The following ATIC variants were observed in gnomAD, a reference collection of about 807,000 sequenced individuals.
The protein encoded by ATIC is bifunctional purine biosynthesis protein ATIC.
A neutral mutation model predicts 72.5 loss-of-function variants in ATIC; 64 were observed. That is an observed-to-expected ratio of 0.88 (90% confidence interval 0.72 to 1.09). ATIC has a LOEUF of 1.09. Ranked by LOEUF, ATIC falls within the 50% of genes least tolerant of loss-of-function variation. The pLI is 0.00. For synonymous variants in ATIC, 281 were observed against 267.1 expected, an observed-to-expected ratio of 1.05 and a Z score of -0.51; for missense variants, 787 against 732.4, an observed-to-expected ratio of 1.07 and a Z score of -0.86.
chr2:215,318,001 TAAG>T (rs1295225574), intron 2 of ATIC, 153 bp from the exon 3 acceptor site: 2 of 687,888 alleles, frequency 2.9e-6, no homozygotes, highest in East Asian at 2.8e-5. Context: ...GAATTTTACT[TAAG>T]AAATAAAATA....
downstream of ATIC, among the ~76,000 whole-genome samples, chr2:215,351,961 A>C (rs978684596): frequency 6.6e-6 from 1 of 152,186 alleles, no homozygotes; most frequent in Non-Finnish European, 1.5e-5. Flanking sequence ...CAGCTTAATC[A>C]TGAGAAAAAC....
the ATIC span, chr2:215,365,137 A>G: frequency 9.4e-5 from 66 of 705,698 alleles, no homozygotes; most frequent in Middle Eastern, 4.6e-4. Context: ...CAGTACTGCT[A>G]TACAGATCTT....
the ATIC span, chr2:215,364,622 T>C: frequency 1.8e-6 from 1 of 562,054 alleles, no homozygotes; most frequent in Non-Finnish European, 3.2e-6. Context: ...TAAGAATGAC[T>C]CAAGACTTGT....
At position 215,346,766 on chromosome 2, in the gene ATIC, G is replaced by C. The variant is rs755035430; in HGVS notation, c.1328G>C (p.Gly443Ala). ...VCYAKNGQVI[G>A]IGAGQQSRIH... ...AATGTCTGTGTTCCTCAGGTTATCG[G>C]CATTGGAGCAGGACAGCAGTCTCGT... The change falls in exon 14 of 16, where the codon GGC becomes GCC. Residue 443 changes from glycine (G) to alanine (A), a missense_variant. Transcript: ENST00000236959. 2 of 1,613,968 alleles carry C rather than the reference G, an allele frequency of 1.2e-6. No homozygotes were observed. The highest frequency in any genetic ancestry group is 2.7e-5 in the African/African-American group (2 of 74,902).
chr2:215,347,042 T>A, intron 14 of ATIC, 101 bp downstream of exon 14: 1 of 1,389,948 alleles, frequency 7.2e-7, no homozygotes. Context: ...AAAAAGATAC[T>A]TTCATTGAAA....
chr2:215,341,113 G>C (rs1163286079), intron 12 of ATIC, among the ~76,000 whole-genome samples: 5 of 152,172 alleles, frequency 3.3e-5, no homozygotes, highest in Non-Finnish European at 4.4e-5. Flanking sequence ...TCTGTCTGTT[G>C]ATAAGCATAC....
intron 13 of ATIC, 129 bp from the exon 14 acceptor site, chr2:215,346,630 C>A: frequency 9.7e-7 from 1 of 1,029,572 alleles, no homozygotes; most frequent in East Asian, 2.4e-5. Flanking sequence ...ATTTATATTT[C>A]TCTTATTTTG....
chr2:215,312,148 T>C lies in ATIC; in HGVS notation c.6T>C (p.Ala2=). The C allele has an allele frequency of 7.2e-6, 11 of 1,524,078 alleles. No individual in the cohort carries two copies. The highest frequency in any genetic ancestry group is 9.6e-6 in the Non-Finnish European group (11 of 1,142,674). The allele number at this position is 1,524,078 out of a possible 1,614,324, so 94.4% of individuals were successfully genotyped here. Residue 2 remains alanine (A), a synonymous_variant, in exon 1 of 16, where the codon GCT becomes GCC. Coordinates refer to ENST00000236959, the MANE Select transcript of ATIC (RefSeq NM_004044.7). M[A]PGQLALFSVS... ...TGAACCCAGTGCCTGCAGCCATGGC[T>C]CCCGGCCAGCTCGGTGAGGCCCTAG...
chr2:215,364,696 G>A, the ATIC span: 1 of 626,844 alleles, frequency 1.6e-6, no homozygotes, highest in Non-Finnish European at 2.9e-6. Context: ...AAGAATGAAT[G>A]GCATGTAAGG....
chr2:215,346,847 A>G lies in ATIC; in HGVS notation c.1409A>G (p.His470Arg), dbSNP rs1274839431. The change falls in exon 14 of 16, where the codon CAT becomes CGT. Residue 470 changes from histidine to arginine, a missense_variant. By Grantham distance (29) the His-to-Arg change is conservative. Transcript: ENST00000236959. The part of the protein sequence containing the change: ...DKANYWWLRH[H>R]PQVLSMKFKT... ...GCAAACTATTGGTGGCTTAGACACC[A>G]TCCACAAGTGCTTTCGATGAAGTTT... The G allele has an allele frequency of 6.2e-7, 1 of 1,614,224 alleles. No individual in the cohort carries two copies. Among genetic ancestry groups the G allele is most frequent in the Non-Finnish European group, 8.5e-7 (1 of 1,180,038 alleles).
chr2:215,364,106 G>A, the ATIC span, among the ~76,000 whole-genome samples: 2 of 152,132 alleles, frequency 1.3e-5, no homozygotes, highest in African/African-American at 4.8e-5. Context: ...GTATTTGTCA[G>A]ACCCACTTAG....
rs1207480739 is a variant in ATIC at position 215,319,673 on chromosome 2, G to T, written c.232G>T (p.Ala78Ser). 6.2e-7 allele frequency: 1 copy of T among 1,609,480 alleles called. No homozygotes were observed. The highest frequency in any genetic ancestry group is 8.5e-7 in the Non-Finnish European group (1 of 1,175,918). ...LHPAVHAGIL[A>S]RNIPEDNADM... ...TAACTTTTTTAAATTAGGAATCCTA[G>T]CTCGTAATATTCCAGAAGATAATGC... The change falls in exon 4 of 16, where the codon GCT (alanine) becomes TCT (serine). Residue 78 changes from alanine to serine, a missense_variant. Physicochemically the swap from Ala to Ser is moderately conservative, Grantham distance 99 (BLOSUM62 1). Coordinates refer to ENST00000236959, the MANE Select transcript of ATIC (RefSeq NM_004044.7).
the ATIC span, among the ~76,000 whole-genome samples, chr2:215,357,856 T>C: frequency 6.6e-6 from 1 of 152,126 alleles, no homozygotes; most frequent in Non-Finnish European, 1.5e-5. Flanking sequence ...GTCTTTTTTT[T>C]TTTTTCTTAA....
chr2:215,315,669 G>A (rs550146213), intron 2 of ATIC, among the ~76,000 whole-genome samples: 7 of 152,300 alleles, frequency 4.6e-5, no homozygotes, highest in Admixed American at 3.3e-4. Context: ...TCTTGGTTCT[G>A]GCTGGGCGCA....
At chr2:215,314,671 T>C (rs1035291174) in intron 2 of ATIC, among the ~76,000 whole-genome samples, 1 of 151,974 alleles carries the variant, frequency 6.6e-6, no homozygotes, top group Non-Finnish European at 1.5e-5. Flanking sequence ...GCTAATTTTT[T>C]TGTATTTTTG....
intron 14 of ATIC, chr2:215,347,519 T>C (rs568702877): frequency 8.4e-6 from 4 of 474,948 alleles, no homozygotes; most frequent in African/African-American, 4.0e-5. Context: ...TCTGGACATA[T>C]TGCGTGCCTA....
At chr2:215,361,088 A>G in the ATIC span, 1 of 157,144 alleles carries the variant, frequency 6.4e-6, no homozygotes, top group African/African-American at 2.4e-5. Context: ...GATCATTTGG[A>G]AAAAGTGAGT....
the ATIC span, among the ~76,000 whole-genome samples, chr2:215,360,206 G>A: frequency 1.3e-5 from 2 of 152,284 alleles, no homozygotes; most frequent in South Asian, 4.1e-4. Flanking sequence ...CCAAAGTGCT[G>A]GGATTAGAGG....
At chr2:215,343,762 C>T (rs1406874965) in intron 12 of ATIC, among the ~76,000 whole-genome samples, 1 of 152,178 alleles carries the variant, frequency 6.6e-6, no homozygotes, top group Admixed American at 6.5e-5. Context: ...GAATCTTTTA[C>T]AGAGGAAAAG....
Sources: gnomAD v4.1 joint callset for allele counts (sites outside exome capture counted in the v4.1 genomes callset) on GRCh38, gnomAD v4.1.1 for gene constraint, MANE v1.5 for transcripts, NCBI Gene and HGNC (gene_info 2026-07-23, HGNC 2026-07-21) for gene names.